Variants in GRM5 observed in about 807,000 individuals in gnomAD.
GRM5 encodes the protein glutamate metabotropic receptor 5.
Under a neutral mutation model 83.1 loss-of-function variants are expected in GRM5, and 19 were observed. That is an observed-to-expected ratio of 0.23 (90% CI 0.16 to 0.34). The LOEUF (loss-of-function observed/expected upper bound fraction) is 0.34. Ranked by LOEUF, GRM5 falls within the 10% of genes least tolerant of loss-of-function variation. The pLI is 1.00. For synonymous variants in GRM5, 675 were observed against 633.6 expected, an observed-to-expected ratio of 1.07 and a Z score of -0.98; for missense variants, 1,160 against 1,588.3, an observed-to-expected ratio of 0.73 and a Z score of 4.58.
At chr11:88,613,190 G>C (rs1019026891) in intron 4 of GRM5, among the ~76,000 whole-genome samples, 3 of 152,148 alleles carry the variant, frequency 2.0e-5, no homozygotes, top group African/African-American at 7.2e-5. Context: ...TGGATGGATT[G>C]TTCTGTAGAT....
At chr11:88,968,433 G>A (rs1004356675) in intron 2 of GRM5, among the ~76,000 whole-genome samples, 7 of 152,084 alleles carry the variant, frequency 4.6e-5, no homozygotes, top group Admixed American at 3.9e-4. Flanking sequence ...TTGTAATCCC[G>A]ACTGTTTGGG....
chr11:88,579,233 G>A (rs140679771), intron 7 of GRM5, among the ~76,000 whole-genome samples: 110 of 152,206 alleles, frequency 7.2e-4, no homozygotes, highest in Middle Eastern at 3.4e-3. Flanking sequence ...CTCAATACAT[G>A]GGGATTTCTT....
At chr11:88,659,095 A>G (rs568980657) in intron 3 of GRM5, among the ~76,000 whole-genome samples, 3 of 152,320 alleles carry the variant, frequency 2.0e-5, no homozygotes, top group South Asian at 4.1e-4. Flanking sequence ...TGGCAGTAAG[A>G]ATGAAGAGCC....
intron 3 of GRM5, among the ~76,000 whole-genome samples, chr11:88,809,732 A>G (rs2135495872): frequency 6.6e-6 from 1 of 151,780 alleles, no homozygotes; most frequent in South Asian, 2.1e-4. Context: ...CATTCAATCA[A>G]GATGAACTGA....
At chr11:88,614,934 C>T (rs1390431837) in intron 4 of GRM5, among the ~76,000 whole-genome samples, 1 of 152,076 alleles carries the variant, frequency 6.6e-6, no homozygotes. Flanking sequence ...AAAAATTATT[C>T]TAAATAAGAG....
intron 4 of GRM5, among the ~76,000 whole-genome samples, chr11:88,622,396 G>A (rs1938662935): frequency 6.6e-6 from 1 of 152,230 alleles, no homozygotes; most frequent in African/African-American, 2.4e-5. Flanking sequence ...GCTATCTGCA[G>A]TATACCTAAA....
chr11:88,726,173 C>T (rs1427777113), intron 3 of GRM5, among the ~76,000 whole-genome samples: 1 of 152,038 alleles, frequency 6.6e-6, no homozygotes, highest in African/African-American at 2.4e-5. Context: ...ACTAGAATAA[C>T]CAGTTTAGAG....
In GRM5 at chr11:89,047,452, T is replaced by C; in HGVS notation, c.421A>G (p.Lys141Glu). ...DGSSSSFRSK[K>E]PIVGVIGPGS... The stretch of plus-strand genomic sequence containing the variant: ...GGCCCAATGACCCCTACTATGGGCT[T>C]CTTGGAGCGGAAGGAAGAGGAGGAG... The change falls in exon 2 of 10, where the codon AAG (lysine) becomes GAG (glutamate). Residue 141 changes from lysine (K) to glutamate (E), a missense_variant. By Grantham distance (56) the Lys-to-Glu change is moderately conservative. Transcript: ENST00000305447. The surrounding 1 kb of genome is among the most constrained non-coding windows in gnomAD (Gnocchi z 5.1). 6.2e-7 allele frequency: 1 copy of C among 1,614,184 alleles called. No individual in the cohort carries two copies. The highest frequency in any genetic ancestry group is 8.5e-7 in the Non-Finnish European group (1 of 1,180,022).
chr11:88,998,570 G>T (rs1239781175), intron 2 of GRM5, among the ~76,000 whole-genome samples: 2 of 152,120 alleles, frequency 1.3e-5, no homozygotes, highest in Non-Finnish European at 2.9e-5. Context: ...AGCACTAGAT[G>T]TTCTAGCCAG....
At chr11:88,528,644 C>T (rs921638381) in intron 8 of GRM5, among the ~76,000 whole-genome samples, 1 of 152,048 alleles carries the variant, frequency 6.6e-6, no homozygotes, top group African/African-American at 2.4e-5. Context: ...CCCATACACT[C>T]ATACTTGTAA....
chr11:88,605,625 C>T (rs1450379274), intron 4 of GRM5, among the ~76,000 whole-genome samples: 1 of 151,986 alleles, frequency 6.6e-6, no homozygotes, highest in Non-Finnish European at 1.5e-5. Flanking sequence ...GGAGCTTGTA[C>T]ATAAGAAACT....
intron 3 of GRM5, among the ~76,000 whole-genome samples, chr11:88,796,903 T>TAC (rs1192934967): frequency 0.03 from 19 of 638 alleles, no homozygotes; most frequent in African/African-American, 0.072. Context: ...CACACACGTG[T>TAC]GTGTGTGTGT....
At chr11:89,060,130 C>A (rs530589244) in intron 1 of GRM5, among the ~76,000 whole-genome samples, 1 of 152,080 alleles carries the variant, frequency 6.6e-6, no homozygotes, top group South Asian at 2.1e-4. Flanking sequence ...TATTGTTTAG[C>A]CACACCACAG....
At chr11:88,864,647 T>G (rs936974031) in intron 2 of GRM5, among the ~76,000 whole-genome samples, 1 of 152,060 alleles carries the variant, frequency 6.6e-6, no homozygotes, top group African/African-American at 2.4e-5. Context: ...TCTTCTTATG[T>G]GAATGCCCTT....
At chr11:88,929,340 T>C (rs1285375411) in intron 2 of GRM5, among the ~76,000 whole-genome samples, 1 of 152,100 alleles carries the variant, frequency 6.6e-6, no homozygotes, top group Non-Finnish European at 1.5e-5. Flanking sequence ...TTTAAACAAT[T>C]AACAACATAC....
rs529905612 is a variant in GRM5, at chr11:89,058,174, G to A, written c.-201+7602C>T. Among the ~76,000 whole-genome samples, 17 of 152,250 alleles carry A rather than the reference G, an allele frequency of 1.1e-4. No individual in the cohort carries two copies. In the South Asian group the frequency reaches 1.7e-3, roughly 15 times the overall value. On this transcript the variant is annotated intron_variant, in intron 1 of 9. Transcript: ENST00000305447. Reference sequence around the variant, plus strand: ...GCTTTCCATTAAATTCTTATGTAACGTACATAAATTCATCAGAAAGCATAC... The same window carrying A: ...GCTTTCCATTAAATTCTTATGTAACATACATAAATTCATCAGAAAGCATAC...
chr11:89,053,991 G>A (rs188684135), intron 1 of GRM5, among the ~76,000 whole-genome samples: 1 of 152,318 alleles, frequency 6.6e-6, no homozygotes, highest in East Asian at 1.9e-4. Context: ...GTAATGTGGT[G>A]ATGTTGAACC....
chr11:89,016,770 A>G (rs1359137602), intron 2 of GRM5, among the ~76,000 whole-genome samples: 2 of 152,278 alleles, frequency 1.3e-5, no homozygotes, highest in East Asian at 3.9e-4. Flanking sequence ...CCTGAAATTT[A>G]GTATATGCAT....
At chr11:88,799,360 A>T (rs906990057) in intron 3 of GRM5, among the ~76,000 whole-genome samples, 7 of 152,104 alleles carry the variant, frequency 4.6e-5, no homozygotes, top group Non-Finnish European at 7.4e-5. Flanking sequence ...GGGACTATAA[A>T]ACAGTATATA....
Sources: allele counts gnomAD v4.1 joint callset (sites outside exome capture counted in the v4.1 genomes callset), GRCh38; gene constraint gnomAD v4.1.1; non-coding constraint Gnocchi (gnomAD v3.1); transcripts MANE v1.5; gene names NCBI Gene and HGNC (gene_info 2026-07-23, HGNC 2026-07-21).